HPSE2: variants seen among roughly 807,000 people sequenced by gnomAD.
The protein encoded by HPSE2 is inactive heparanase-2.
In HPSE2, 38 loss-of-function variants were observed where a neutral mutation model predicts 60.5. The observed-to-expected ratio is 0.63, with a 90% CI of 0.48 to 0.82. HPSE2 has a LOEUF of 0.82. HPSE2 is among the 40% of genes least tolerant of loss of function. The pLI, the probability that HPSE2 is intolerant of heterozygous loss-of-function variation, is 0.00. For missense variants in HPSE2, 713 were observed against 740.4 expected (o/e 0.96, Z 0.43); for synonymous variants, 295 against 293.2 (o/e 1.01, Z -0.06).
chr10:98,702,458 G>A (rs1461672363), intron 5 of HPSE2, among the ~76,000 whole-genome samples: 1 of 42,948 alleles, frequency 2.3e-5, no homozygotes, highest in Non-Finnish European at 1.0e-4. Flanking sequence ...GGATCAAGTG[G>A]CCCTAATAGA....
At chr10:99,152,014 T>C (rs1846286507) in intron 2 of HPSE2, among the ~76,000 whole-genome samples, 2 of 151,418 alleles carry the variant, frequency 1.3e-5, no homozygotes, top group African/African-American at 4.9e-5. Flanking sequence ...GTCATTTCCA[T>C]ATTTAAAAAA....
At chr10:99,199,491 C>A (rs1277112368) in intron 2 of HPSE2, among the ~76,000 whole-genome samples, 1 of 151,990 alleles carries the variant, frequency 6.6e-6, no homozygotes, top group Admixed American at 6.6e-5. Context: ...TATTCTTTTG[C>A]ATGTGGATAT....
At chr10:99,103,220 A>C (rs928151806) in intron 3 of HPSE2, among the ~76,000 whole-genome samples, 1 of 152,216 alleles carries the variant, frequency 6.6e-6, no homozygotes, top group Non-Finnish European at 1.5e-5. Flanking sequence ...ACATGATTGT[A>C]TATCTAGAAA....
At chr10:99,001,758 T>C (rs1203045234) in intron 3 of HPSE2, among the ~76,000 whole-genome samples, 2 of 152,074 alleles carry the variant, frequency 1.3e-5, no homozygotes, top group African/African-American at 4.8e-5. Flanking sequence ...AAGATAATGT[T>C]ATGAGTAAAA....
At chr10:98,717,318 A>T (rs1340685746) in intron 5 of HPSE2, among the ~76,000 whole-genome samples, 1 of 152,094 alleles carries the variant, frequency 6.6e-6, no homozygotes, top group Non-Finnish European at 1.5e-5. Context: ...CTTTCTTATC[A>T]TTCTTGTGTT....
intron 3 of HPSE2, among the ~76,000 whole-genome samples, chr10:99,047,451 C>T (rs577237394): frequency 6.6e-6 from 1 of 152,226 alleles, no homozygotes; most frequent in African/African-American, 2.4e-5. Context: ...GCAATTGCAA[C>T]ATAAACAAAA....
the HPSE2 span, among the ~76,000 whole-genome samples, chr10:99,273,766 G>A: frequency 6.6e-6 from 1 of 152,260 alleles, no homozygotes; most frequent in East Asian, 1.9e-4. Context: ...ACAGATGCAG[G>A]GAGGGACAAA....
At chr10:98,769,083 G>C (rs564548595) in intron 3 of HPSE2, among the ~76,000 whole-genome samples, 4 of 75,164 alleles carry the variant, frequency 5.3e-5, no homozygotes, top group African/African-American at 1.5e-4. Flanking sequence ...ACTTGTCTAT[G>C]TCCCAACATT....
intron 11 of HPSE2, among the ~76,000 whole-genome samples, chr10:98,479,772 A>T (rs1267241279): frequency 6.6e-6 from 1 of 152,196 alleles, no homozygotes; most frequent in Non-Finnish European, 1.5e-5. Flanking sequence ...AAACTCTCTA[A>T]TCCAACATAT....
intron 3 of HPSE2, among the ~76,000 whole-genome samples, chr10:98,793,690 T>A (rs2134493499): frequency 6.6e-6 from 1 of 152,338 alleles, no homozygotes; most frequent in East Asian, 1.9e-4. Context: ...GAACTACTTT[T>A]GTCTGAATAA....
At chr10:99,019,081 C>A (rs1221162819) in intron 3 of HPSE2, among the ~76,000 whole-genome samples, 2 of 152,164 alleles carry the variant, frequency 1.3e-5, no homozygotes, top group Non-Finnish European at 2.9e-5. Flanking sequence ...ATTGGCAGCC[C>A]TGCTGGATGA....
chr10:98,751,720 G>A (rs141979280), intron 3 of HPSE2, among the ~76,000 whole-genome samples: 5 of 152,294 alleles, frequency 3.3e-5, no homozygotes, highest in South Asian at 2.1e-4. Context: ...AGAACTCAAC[G>A]CTTTGATGTC....
At chr10:98,489,770 G>A (rs1330949268) in intron 10 of HPSE2, among the ~76,000 whole-genome samples, 3 of 152,224 alleles carry the variant, frequency 2.0e-5, no homozygotes, top group Non-Finnish European at 4.4e-5. Flanking sequence ...CAGAGAAAAT[G>A]CTCAATAAAA....
At chr10:98,564,077 G>A (rs1012740550) in intron 9 of HPSE2, among the ~76,000 whole-genome samples, 2 of 152,186 alleles carry the variant, frequency 1.3e-5, no homozygotes, top group Admixed American at 6.5e-5. Context: ...TCCCTTTAGT[G>A]AGAGCTGGTT....
At chr10:98,558,944 T>C (rs1009071671) in intron 9 of HPSE2, among the ~76,000 whole-genome samples, 1 of 152,198 alleles carries the variant, frequency 6.6e-6, no homozygotes, top group Admixed American at 6.6e-5. Context: ...CACCATTCGC[T>C]ACCCACTTTG....
intron 3 of HPSE2, among the ~76,000 whole-genome samples, chr10:99,132,543 T>A (rs1845483925): frequency 6.6e-6 from 1 of 152,022 alleles, no homozygotes; most frequent in African/African-American, 2.4e-5. Context: ...CTGAGGTACC[T>A]GGTTCATCGC....
chr10:99,012,654 C>A (rs554861535), intron 3 of HPSE2, among the ~76,000 whole-genome samples: 1 of 152,124 alleles, frequency 6.6e-6, no homozygotes, highest in Non-Finnish European at 1.5e-5. Context: ...ACATATACAA[C>A]CTTATGCAAA....
chr10:98,691,493 T>C (rs1409888604), intron 6 of HPSE2, among the ~76,000 whole-genome samples: 1 of 152,232 alleles, frequency 6.6e-6, no homozygotes, highest in Non-Finnish European at 1.5e-5. Flanking sequence ...AGCTTTCTCT[T>C]ATCCCTCTCT....
chr10:98,556,665 T>C (rs1235177509), intron 9 of HPSE2, among the ~76,000 whole-genome samples: 2 of 152,004 alleles, frequency 1.3e-5, no homozygotes, highest in Non-Finnish European at 2.9e-5. Context: ...AATGAAGAAC[T>C]CAAAATAAAT....
Sources: gnomAD v4.1 joint callset for allele counts (sites outside exome capture counted in the v4.1 genomes callset) on GRCh38, gnomAD v4.1.1 for gene constraint, MANE v1.5 for transcripts, NCBI Gene and HGNC (gene_info 2026-07-23, HGNC 2026-07-21) for gene names.